Variants in IGF2BP2 observed in about 807,000 individuals in gnomAD.
The protein encoded by IGF2BP2 is insulin like growth factor 2 mRNA binding protein 2.
Under a neutral mutation model 75.8 loss-of-function variants are expected in IGF2BP2, and 17 were observed. That is an observed-to-expected ratio of 0.22 (90% CI 0.15 to 0.34). The LOEUF (loss-of-function observed/expected upper bound fraction) is 0.34. IGF2BP2 is among the 10% of genes least tolerant of loss of function. The probability of loss-of-function intolerance (pLI) is 1.00; values close to 1 mark genes in which losing one functional copy is unlikely to be tolerated. For missense variants in IGF2BP2, 516 were observed against 772.4 expected, an observed-to-expected ratio of 0.67 and a Z score of 3.93; for synonymous variants, 288 against 295.6, an observed-to-expected ratio of 0.97 and a Z score of 0.26.
chr3:185,711,779 C>T (rs1332602892), intron 2 of IGF2BP2, among the ~76,000 whole-genome samples: 3 of 152,186 alleles, frequency 2.0e-5, no homozygotes, highest in Non-Finnish European at 4.4e-5. Context: ...AGAGCCTTGT[C>T]CTTAGCAGCA....
Position 185,824,991 on chromosome 3 carries a change from C to G in IGF2BP2, c.-31G>C. ...TCTTCCCCGAGAGCCCGCGGCTCCC[C>G]CGGCCCGGTACCCGGCGCTCCTCGC... On this transcript the variant is annotated 5_prime_UTR_variant, in exon 1 of 16. Transcript: ENST00000382199. 1.4e-6 allele frequency: 2 copies of G among 1,458,072 alleles called. No individual in the cohort carries two copies. Among genetic ancestry groups the G allele is most frequent in the African/African-American group, 1.4e-5 (1 of 69,770 alleles). 90.3% of individuals were successfully genotyped at this position (1,458,072 alleles called of 1,614,324 possible).
intron 12 of IGF2BP2, among the ~76,000 whole-genome samples, chr3:185,653,771 A>G (rs1714988483): frequency 6.6e-6 from 1 of 152,224 alleles, no homozygotes; most frequent in Admixed American, 6.5e-5. Context: ...CGAAACAAGA[A>G]ACATGGTCAA....
chr3:185,694,893 C>T (rs1722380266), intron 4 of IGF2BP2, among the ~76,000 whole-genome samples: 2 of 152,158 alleles, frequency 1.3e-5, no homozygotes, highest in Non-Finnish European at 2.9e-5. Context: ...TTGATGCCAG[C>T]CTGGCCAACA....
Position 185,687,182 on chromosome 3 carries a change from G to T in IGF2BP2, c.687C>A (p.Ile229=), listed in dbSNP as rs752468902. ...CAGCTCCAGAGTTCTCTTTTCTATG[G>T]ATATCTACCCTGTAGGAAAAGAATC... The part of the protein sequence containing the change: ...ITKQTQSRVD[I]HRKENSGAAE... The change falls in exon 7 of 16, where the codon ATC becomes ATA. Residue 229 remains isoleucine (I), a synonymous_variant. Transcript: ENST00000382199. 38 of 1,610,142 alleles carry T rather than the reference G, an allele frequency of 2.4e-5. No homozygotes were observed. In the South Asian group the frequency reaches 3.9e-4, roughly 16 times the overall value.
intron 2 of IGF2BP2, among the ~76,000 whole-genome samples, chr3:185,714,161 C>T (rs1371364136): frequency 6.9e-6 from 1 of 145,946 alleles, no homozygotes; most frequent in Non-Finnish European, 1.5e-5. Flanking sequence ...GAATACATTC[C>T]TTTTTTTTTT....
rs1719986088 is a variant in IGF2BP2, at chr3:185,679,152, T to C, written c.813-3239A>G. On this transcript the variant is annotated intron_variant, in intron 7 of 15. Coordinates refer to ENST00000382199, the MANE Select transcript of IGF2BP2 (RefSeq NM_006548.6). ...GAAGGACTTACTTTTGTCATTTTCATTGTTTTCTGTATGTCTAGTAGCTTT... is the reference window on the plus strand; with the variant it reads ...GAAGGACTTACTTTTGTCATTTTCACTGTTTTCTGTATGTCTAGTAGCTTT... Among the ~76,000 whole-genome samples the C allele has an allele frequency of 2.0e-5, 3 of 152,314 alleles. 1 individual carries two copies. In the South Asian group the frequency reaches 6.2e-4, roughly 32 times the overall value.
At chr3:185,686,991 G>C (rs1721226887) in intron 7 of IGF2BP2, 66 bp downstream of exon 7, 1 of 1,556,510 alleles carries the variant, frequency 6.4e-7, no homozygotes, top group African/African-American at 1.4e-5. Flanking sequence ...AAACCTCTTG[G>C]GTTAAATGAG....
intron 10 of IGF2BP2, among the ~76,000 whole-genome samples, chr3:185,666,871 G>A (rs894783622): frequency 3.3e-5 from 5 of 152,148 alleles, no homozygotes; most frequent in African/African-American, 1.2e-4. Context: ...ACAAAAGTTG[G>A]TAGGCCCACA....
At chr3:185,747,896 C>T (rs969986558) in intron 2 of IGF2BP2, among the ~76,000 whole-genome samples, 1 of 151,160 alleles carries the variant, frequency 6.6e-6, no homozygotes, top group African/African-American at 2.5e-5. Flanking sequence ...CGCTCTGTTG[C>T]CCCGGCTGGA....
chr3:185,759,759 G>A (rs1732106340), intron 2 of IGF2BP2, among the ~76,000 whole-genome samples: 1 of 152,232 alleles, frequency 6.6e-6, no homozygotes, highest in Admixed American at 6.5e-5. Context: ...GACAAGTGCT[G>A]CAAATAGCAT....
At chr3:185,772,660 C>G (rs955771635) in intron 2 of IGF2BP2, among the ~76,000 whole-genome samples, 1 of 149,562 alleles carries the variant, frequency 6.7e-6, no homozygotes, top group Admixed American at 6.7e-5. Flanking sequence ...CAGCTCACTG[C>G]AAACTCTGCC....
chr3:185,665,233 GAGGAGAAGGAGAAGAAGGAGA>G (rs1197629585), intron 10 of IGF2BP2, among the ~76,000 whole-genome samples: 3 of 145,046 alleles, frequency 2.1e-5, no homozygotes, highest in African/African-American at 7.7e-5. Flanking sequence ...GGAGGAGGAG[GAGGAGAAGGAGAAGAAGGAGA>G]AGGAGGAGGA....
At position 185,708,110 on chromosome 3, in the gene IGF2BP2, A is replaced by AT. The variant is rs1724311183; in HGVS notation, c.240-9764dup. Among the ~76,000 whole-genome samples, 17 of 152,146 alleles carry AT rather than the reference A, an allele frequency of 1.1e-4. No homozygotes were observed. The South Asian group carries it at 3.5e-3, about 32-fold the overall frequency. ...TTTTGAACTAGGTGTTGTTATTCCC[A>AT]TTTTTCAGAGAAATACACTGAGGAG... On this transcript the variant is annotated intron_variant, in intron 2 of 15. Coordinates refer to ENST00000382199, the MANE Select transcript of IGF2BP2 (RefSeq NM_006548.6).
chr3:185,661,107 G>T (rs1433144551), intron 10 of IGF2BP2, among the ~76,000 whole-genome samples: 1 of 152,192 alleles, frequency 6.6e-6, no homozygotes, highest in Non-Finnish European at 1.5e-5. Flanking sequence ...CTGAAAAATT[G>T]TCACAGGGAA....
At chr3:185,792,392 G>A (rs985040208) in intron 2 of IGF2BP2, among the ~76,000 whole-genome samples, 1 of 152,096 alleles carries the variant, frequency 6.6e-6, no homozygotes, top group African/African-American at 2.4e-5. Context: ...ATCACTTAAG[G>A]CCCAGGGTTT....
At chr3:185,747,980 C>T (rs1038148587) in intron 2 of IGF2BP2, among the ~76,000 whole-genome samples, 3 of 152,084 alleles carry the variant, frequency 2.0e-5, no homozygotes, top group South Asian at 2.1e-4. Context: ...CTCAGCCTCC[C>T]GAGTAGCTGC....
chr3:185,724,092 T>C (rs570080604), intron 2 of IGF2BP2, among the ~76,000 whole-genome samples: 3 of 152,176 alleles, frequency 2.0e-5, no homozygotes, highest in East Asian at 1.9e-4. Context: ...AAGTCCTAAG[T>C]GGCACCAGGA....
At chr3:185,820,888 T>C (rs1315302192) in intron 2 of IGF2BP2, 1 of 819,754 alleles carries the variant, frequency 1.2e-6, no homozygotes, top group Non-Finnish European at 1.8e-6. Flanking sequence ...AAAAACCACA[T>C]ATAGAATTGA....
At chr3:185,665,491 A>AAGGAGGAGAAGGAGG (rs1717358641) in intron 10 of IGF2BP2, among the ~76,000 whole-genome samples, 1 of 37,704 alleles carries the variant, frequency 2.7e-5, no homozygotes, top group African/African-American at 1.2e-4. Context: ...GAAGGAGGAG[A>AAGGAGGAGAAGGAGG]AGGAGGAGGA....
Sources: gnomAD v4.1 joint callset for allele counts (sites outside exome capture counted in the v4.1 genomes callset) on GRCh38, gnomAD v4.1.1 for gene constraint, MANE v1.5 for transcripts, NCBI Gene and HGNC (gene_info 2026-07-23, HGNC 2026-07-21) for gene names.